ERMP1: variants seen among roughly 807,000 people sequenced by gnomAD.
The protein encoded by ERMP1 is endoplasmic reticulum metallopeptidase 1, also known as Felix-ina.
In ERMP1, 86 loss-of-function variants were observed where a neutral mutation model predicts 92.0. The observed-to-expected ratio is 0.93, with a 90% CI of 0.79 to 1.12. The LOEUF (loss-of-function observed/expected upper bound fraction) is 1.12. Among genes scored for constraint, ERMP1 ranks in the 50% most tolerant of loss-of-function variants. The pLI is 0.00. For missense variants in ERMP1, 1,342 were observed against 1,116.3 expected, an observed-to-expected ratio of 1.20 and a Z score of -2.88; for synonymous variants, 530 against 412.8, an observed-to-expected ratio of 1.28 and a Z score of -3.44.
intron 13 of ERMP1, 23 bp downstream of exon 13, chr9:5,797,794 G>GA: frequency 6.9e-7 from 1 of 1,440,270 alleles, no homozygotes; most frequent in East Asian, 2.3e-5. Context: ...AAGGAGGGGA[G>GA]AAAAAACTAT....
chr9:5,798,784 A>C (rs1167276298), intron 12 of ERMP1, 22 bp downstream of exon 12: 1 of 1,548,592 alleles, frequency 6.5e-7, no homozygotes, highest in Admixed American at 1.7e-5. Context: ...ACTAACCTTA[A>C]GCAGAAAAAT....
chr9:5,815,102 G>T (rs1829251165), intron 4 of ERMP1, among the ~76,000 whole-genome samples: 1 of 152,206 alleles, frequency 6.6e-6, no homozygotes, highest in Admixed American at 6.5e-5. Flanking sequence ...GAATGGAGAA[G>T]ATAAATGTTT....
At chr9:5,864,397 C>T (rs1437392322) in intron 5 of ERMP1, among the ~76,000 whole-genome samples, 1 of 152,116 alleles carries the variant, frequency 6.6e-6, no homozygotes. Context: ...ATTCCAGTAC[C>T]CCCACTCACC....
At chr9:5,812,678 G>C (rs1416397593) in intron 5 of ERMP1, 1 of 601,738 alleles carries the variant, frequency 1.7e-6, no homozygotes, top group Non-Finnish European at 2.9e-6. Context: ...TTCTTCTATG[G>C]GGAAAGATGA....
upstream of ERMP1, among the ~76,000 whole-genome samples, chr9:5,833,630 G>T (rs914041347): frequency 2.6e-5 from 4 of 152,182 alleles, no homozygotes; most frequent in African/African-American, 9.7e-5. Flanking sequence ...CCTGCTATGA[G>T]CTAAGCGCTA....
chr9:5,841,438 G>A (rs7047575), intron 6 of ERMP1, among the ~76,000 whole-genome samples: 72,297 of 152,002 alleles, frequency 0.48, 17,438 homozygotes, highest in Non-Finnish European at 0.52. Flanking sequence ...TGGTTAGAAC[G>A]GACAGGGCAG....
upstream of ERMP1, among the ~76,000 whole-genome samples, chr9:5,833,445 A>T (rs1830036079): frequency 6.6e-6 from 1 of 152,326 alleles, no homozygotes; most frequent in East Asian, 1.9e-4. Context: ...ATCAGGCTCC[A>T]AAAAAGTGGG....
chr9:5,832,685 G>A lies in ERMP1; in HGVS notation c.338+5C>T, dbSNP rs1003917095. 10 of 1,433,032 alleles carry A rather than the reference G, an allele frequency of 7.0e-6. No individual in the cohort carries two copies. Among genetic ancestry groups the A allele is most frequent in the Admixed American group, 2.8e-5 (1 of 35,118 alleles). The allele number at this position is 1,433,032 out of a possible 1,614,324, so 88.8% of individuals were successfully genotyped here. A position where few individuals can be genotyped will look rare whatever the true frequency, so the allele number is the denominator to read the frequency against. ...CGGGCCGTGCCAGGAGGGAGCGGCC[G>A]GTACCTGGCTTGGAGCGCGTCGAAC... On this transcript the variant is annotated splice_donor_5th_base_variant and intron_variant, in intron 1 of 14. Coordinates refer to ENST00000339450, the MANE Select transcript of ERMP1 (RefSeq NM_024896.3).
At chr9:5,793,153 GGAT>G (rs1828274804) in intron 13 of ERMP1, among the ~76,000 whole-genome samples, 1 of 152,024 alleles carries the variant, frequency 6.6e-6, no homozygotes, top group Non-Finnish European at 1.5e-5. Flanking sequence ...GGAGAAATTA[GGAT>G]TATTTTGTTA....
chr9:5,849,012 T>A (rs75088241), intron 6 of ERMP1, among the ~76,000 whole-genome samples: 2,658 of 152,132 alleles, frequency 0.017, 76 homozygotes, highest in East Asian at 0.13. Context: ...ATTTTTATTT[T>A]TATTTATATT....
chr9:5,826,526 G>T (rs1168655076), intron 2 of ERMP1, among the ~76,000 whole-genome samples: 2 of 152,084 alleles, frequency 1.3e-5, no homozygotes, highest in Non-Finnish European at 2.9e-5. Flanking sequence ...GGAAGGCTCT[G>T]TAGCTAGCTA....
At chr9:5,822,754 G>A (rs1829587466) in intron 4 of ERMP1, among the ~76,000 whole-genome samples, 1 of 152,046 alleles carries the variant, frequency 6.6e-6, no homozygotes, top group African/African-American at 2.4e-5. Flanking sequence ...ATTTTAGTAT[G>A]CCCCCACTAA....
chr9:5,800,499 A>C (rs886899539), intron 11 of ERMP1, among the ~76,000 whole-genome samples: 1 of 152,152 alleles, frequency 6.6e-6, no homozygotes, highest in African/African-American at 2.4e-5. Context: ...AACGTAGTGA[A>C]ACCCTGTCTC....
intron 10 of ERMP1, among the ~76,000 whole-genome samples, chr9:5,804,264 G>A (rs537243358): frequency 3.1e-4 from 47 of 152,156 alleles, no homozygotes; most frequent in African/African-American, 1.1e-3. Context: ...TTCTCTGGAG[G>A]GGCCCATCTT....
At chr9:5,815,646 T>C (rs1365172508) in intron 4 of ERMP1, among the ~76,000 whole-genome samples, 1 of 152,132 alleles carries the variant, frequency 6.6e-6, no homozygotes, top group East Asian at 1.9e-4. Flanking sequence ...TCATCAATGA[T>C]TGCTAAAACT....
intron 6 of ERMP1, among the ~76,000 whole-genome samples, chr9:5,844,743 G>A (rs1052402985): frequency 7.2e-5 from 11 of 152,094 alleles, no homozygotes; most frequent in Non-Finnish European, 4.4e-5. Flanking sequence ...GTTTATATAT[G>A]GGTGGATTTT....
chr9:5,811,102 A>T lies in ERMP1; in HGVS notation c.1327+9T>A. 1.3e-6 allele frequency: 2 copies of T among 1,591,520 alleles called. No individual in the cohort carries two copies. Among genetic ancestry groups the T allele is most frequent in the Non-Finnish European group, 1.7e-6 (2 of 1,159,630 alleles). Reference sequence around the variant, plus strand: ...GCCAGTATTTGTAGTTTTAGAGGAAAATACTTACTCTTATGTTTGGGCTGC... The same window carrying T: ...GCCAGTATTTGTAGTTTTAGAGGAATATACTTACTCTTATGTTTGGGCTGC... On this transcript the variant is annotated intron_variant, in intron 7 of 14. Transcript: ENST00000339450.
At chr9:5,841,452 C>T (rs773673139) in intron 6 of ERMP1, among the ~76,000 whole-genome samples, 2 of 152,126 alleles carry the variant, frequency 1.3e-5, no homozygotes, top group Admixed American at 6.5e-5. Context: ...AGGGCAGAGG[C>T]GAGAATGGAA....
intron 5 of ERMP1, among the ~76,000 whole-genome samples, chr9:5,861,022 A>G (rs1165153366): frequency 2.0e-5 from 3 of 152,174 alleles, no homozygotes; most frequent in Admixed American, 1.3e-4. Context: ...ATGAGCCCAT[A>G]CATTTCTGTT....
Sources: gnomAD v4.1 joint callset for allele counts (sites outside exome capture counted in the v4.1 genomes callset) on GRCh38, gnomAD v4.1.1 for gene constraint, MANE v1.5 for transcripts, NCBI Gene and HGNC (gene_info 2026-07-23, HGNC 2026-07-21) for gene names.